SNAP29: variants seen among roughly 807,000 people sequenced by gnomAD.
SNAP29 encodes synaptosome associated protein 29.
A neutral mutation model predicts 27.9 loss-of-function variants in SNAP29; 13 were observed. That is an observed-to-expected ratio of 0.47 (90% CI 0.30 to 0.74). SNAP29 has a LOEUF of 0.74. SNAP29 is among the 30% of genes least tolerant of loss of function. The pLI is 0.06. For missense variants in SNAP29, 368 were observed against 336.5 expected (o/e 1.09, Z -0.73); for synonymous variants, 119 against 127.1 (o/e 0.94, Z 0.43).
Position 20,872,214 on chromosome 22 carries a change from CTCTTT to C in SNAP29, c.434+1683_434+1687del, listed in dbSNP as rs966009760. Among the ~76,000 whole-genome samples, 56 of 151,336 alleles carry C rather than the reference CTCTTT, an allele frequency of 3.7e-4. 1 individual carries two copies. The highest frequency in any genetic ancestry group is 2.3e-3 in the Admixed American group (35 of 15,250). On this transcript the variant is annotated intron_variant, in intron 2 of 4. Coordinates refer to ENST00000215730, the MANE Select transcript of SNAP29 (RefSeq NM_004782.4). ...AGGTTCCATAACCATCTCTCTCTCTCTCTTTTATTTATTTATTTTTTATTTTATTT... is the reference window on the plus strand; with the variant it reads ...AGGTTCCATAACCATCTCTCTCTCTCTATTTATTTATTTTTTATTTTATTT...
intron 2 of SNAP29, among the ~76,000 whole-genome samples, chr22:20,871,457 A>G (rs1238558504): frequency 1.3e-5 from 2 of 148,294 alleles, no homozygotes; most frequent in Middle Eastern, 3.5e-3. Flanking sequence ...GCACTACAGC[A>G]TCAGTGACAG....
chr22:20,879,275 C>CCA (rs1222863746), intron 2 of SNAP29, among the ~76,000 whole-genome samples: 1 of 151,288 alleles, frequency 6.6e-6, no homozygotes, highest in African/African-American at 2.4e-5. Context: ...CCACTGCACT[C>CCA]CAGCCTGGGC....
At chr22:20,859,447 G>A in intron 1 of SNAP29, 100 bp downstream of exon 1, 2 of 913,508 alleles carry the variant, frequency 2.2e-6, no homozygotes, top group Non-Finnish European at 3.6e-6. Flanking sequence ...TTCTCAAGTT[G>A]CCTAGCATAG....
At chr22:20,869,225 A>G (rs1928528725) in intron 1 of SNAP29, among the ~76,000 whole-genome samples, 1 of 152,160 alleles carries the variant, frequency 6.6e-6, no homozygotes, top group Non-Finnish European at 1.5e-5. Flanking sequence ...ACGCCACTGC[A>G]CTCCAGCCTG....
chr22:20,880,757 G>A (rs1928871809), intron 2 of SNAP29, among the ~76,000 whole-genome samples: 1 of 151,970 alleles, frequency 6.6e-6, no homozygotes, highest in African/African-American at 2.4e-5. Flanking sequence ...CACACTCGTG[G>A]GCTCAGGCAA....
intron 1 of SNAP29, among the ~76,000 whole-genome samples, chr22:20,862,331 A>G (rs1928344798): frequency 6.6e-6 from 1 of 152,240 alleles, no homozygotes; most frequent in Non-Finnish European, 1.5e-5. Context: ...GGCAGAGGAT[A>G]AACTTGAATC....
chr22:20,882,093 G>A (rs892313555), intron 3 of SNAP29, among the ~76,000 whole-genome samples: 15 of 151,970 alleles, frequency 9.9e-5, no homozygotes, highest in Admixed American at 7.9e-4. Context: ...CGGGTGAACT[G>A]TAGAAACTGC....
chr22:20,877,522 C>T (rs1043230772), intron 2 of SNAP29, among the ~76,000 whole-genome samples: 24 of 152,124 alleles, frequency 1.6e-4, no homozygotes, highest in African/African-American at 5.3e-4. Context: ...CACCATTGTA[C>T]CCCAGCCTGG....
At chr22:20,878,593 G>A (rs1397395959) in intron 2 of SNAP29, among the ~76,000 whole-genome samples, 7 of 151,872 alleles carry the variant, frequency 4.6e-5, no homozygotes, top group Admixed American at 4.6e-4. Context: ...AAAAAGGCAA[G>A]GCAGAAGGAG....
intron 1 of SNAP29, among the ~76,000 whole-genome samples, chr22:20,868,269 CTTT>C (rs888924973): frequency 1.3e-5 from 2 of 151,908 alleles, no homozygotes; most frequent in Non-Finnish European, 2.9e-5. Flanking sequence ...CAGAAAACAT[CTTT>C]TTTTTACTTA....
chr22:20,874,317 G>GACACACACAGACACACACAGAC (rs1555914208), intron 2 of SNAP29, among the ~76,000 whole-genome samples: 3 of 118,114 alleles, frequency 2.5e-5, no homozygotes, highest in African/African-American at 9.2e-5. Flanking sequence ...GACACACACA[G>GACACACACAGACACACACAGAC]ACACACACAC....
In SNAP29 at chr22:20,859,029, C is replaced by CGGCGGGCGGGGCG. The variant is rs1555912936; in HGVS notation, c.-81_-69dup. 7.2e-7 allele frequency: 1 copy of CGGCGGGCGGGGCG among 1,391,462 alleles called. No homozygotes were observed. Among genetic ancestry groups the CGGCGGGCGGGGCG allele is most frequent in the African/African-American group, 1.5e-5 (1 of 68,768 alleles). The allele number at this position is 1,391,462 out of a possible 1,614,324, so 86.2% of individuals were successfully genotyped here. On this transcript the variant is annotated 5_prime_UTR_variant, in exon 1 of 5. Transcript: ENST00000215730. ...GGAGTTCGCGCGACGACCGCGGGGT[C>CGGCGGGCGGGGCG]GGCGGGCGGGGCGAGGCCCTGGACG...
At chr22:20,882,435 T>G (rs1569392) in intron 3 of SNAP29, among the ~76,000 whole-genome samples, 4,541 of 152,070 alleles carry the variant, frequency 0.03, 226 homozygotes, top group African/African-American at 0.1. Flanking sequence ...GCCAGGTACA[T>G]TGAAATTGGT....
chr22:20,867,121 C>T (rs931674563), intron 1 of SNAP29, among the ~76,000 whole-genome samples: 8 of 152,172 alleles, frequency 5.3e-5, no homozygotes, highest in East Asian at 1.9e-4. Context: ...GGGATTGTTT[C>T]GTGGACAAAG....
chr22:20,889,895 C>T lies in SNAP29; in HGVS notation c.*2059C>T, dbSNP rs186489004. The T allele has an allele frequency of 5.5e-5, 10 of 180,574 alleles. No individual in the cohort carries two copies. In the East Asian group the frequency reaches 1.3e-3, roughly 24 times the overall value. The allele number at this position is 180,574 out of a possible 1,614,324, so 11.2% of individuals were successfully genotyped here. On this transcript the variant is annotated 3_prime_UTR_variant, in exon 5 of 5. Coordinates refer to ENST00000215730, the MANE Select transcript of SNAP29 (RefSeq NM_004782.4). ...TAACATCTTATTTTATGCACATTCC[C>T]TGTCTTTTGCTGGACTGATGAAGCC... is the stretch of plus-strand genomic sequence containing the variant.
chr22:20,859,048 C>G lies in SNAP29; in HGVS notation c.-63C>G. 6.8e-6 allele frequency: 10 copies of G among 1,459,902 alleles called. No individual in the cohort carries two copies. The highest frequency in any genetic ancestry group is 6.0e-5 in the South Asian group (5 of 83,978). The allele number at this position is 1,459,902 out of a possible 1,614,324, so 90.4% of individuals were successfully genotyped here. On this transcript the variant is annotated 5_prime_UTR_variant, in exon 1 of 5. Transcript: ENST00000215730. ...CGGGGTCGGCGGGCGGGGCGAGGCC[C>G]TGGACGGCGGCGGCAGTGGGGCTCC... is the stretch of plus-strand genomic sequence containing the variant.
In SNAP29 at chr22:20,889,431, C is replaced by T. The variant is rs1281119615; in HGVS notation, c.*1595C>T. ...TTCCAGCCACCTCAGGGATTCTGATCCATGTCATTAACGACCATCCCAGGG... is the reference window on the plus strand; with the variant it reads ...TTCCAGCCACCTCAGGGATTCTGATTCATGTCATTAACGACCATCCCAGGG... On this transcript the variant is annotated 3_prime_UTR_variant, in exon 5 of 5. Coordinates refer to ENST00000215730, the MANE Select transcript of SNAP29 (RefSeq NM_004782.4). 1 of 152,218 alleles carries T rather than the reference C, an allele frequency of 6.6e-6. No individual in the cohort carries two copies. The highest frequency in any genetic ancestry group is 1.5e-5 in the Non-Finnish European group (1 of 68,046). The allele number at this position is 152,218 out of a possible 1,614,324, so 9.4% of individuals were successfully genotyped here. A position where few individuals can be genotyped will look rare whatever the true frequency, so the allele number is the denominator to read the frequency against.
intron 1 of SNAP29, 125 bp downstream of exon 1, chr22:20,859,472 G>A (rs902903477): frequency 3.6e-5 from 27 of 759,782 alleles, no homozygotes; most frequent in Admixed American, 1.8e-4. Flanking sequence ...TTGCACCTTA[G>A]TGACTCGATG....
At chr22:20,886,962 G>A (rs1335123422) in intron 4 of SNAP29, among the ~76,000 whole-genome samples, 6 of 151,964 alleles carry the variant, frequency 3.9e-5, no homozygotes, top group Admixed American at 1.3e-4. Flanking sequence ...GGTGGCTCAC[G>A]CCTGTAATCC....
Sources: allele counts gnomAD v4.1 joint callset (sites outside exome capture counted in the v4.1 genomes callset), GRCh38; gene constraint gnomAD v4.1.1; transcripts MANE v1.5; gene names NCBI Gene and HGNC (gene_info 2026-07-23, HGNC 2026-07-21).